Variants in PTPRG observed in about 807,000 individuals in gnomAD.
The protein encoded by PTPRG is receptor-type tyrosine-protein phosphatase gamma.
PTPRG carries 102 observed loss-of-function variants against 165.3 expected under a neutral mutation model. The observed-to-expected ratio is 0.62, with a 90% CI of 0.53 to 0.73. The LOEUF is 0.73. Among genes scored for constraint, PTPRG ranks in the 30% least tolerant of loss-of-function variants. The pLI is 0.00. For missense variants in PTPRG, 1,866 were observed against 1,861.4 expected, an observed-to-expected ratio of 1.00 and a Z score of -0.05; for synonymous variants, 675 against 669.5, an observed-to-expected ratio of 1.01 and a Z score of -0.13.
intron 2 of PTPRG, among the ~76,000 whole-genome samples, chr3:61,901,739 G>A (rs1304980104): frequency 6.6e-6 from 1 of 151,958 alleles, no homozygotes; most frequent in East Asian, 1.9e-4. Flanking sequence ...TGCTTTCCTA[G>A]GGTGACCACC....
chr3:61,818,809 A>G (rs991417388), intron 2 of PTPRG, among the ~76,000 whole-genome samples: 1 of 151,858 alleles, frequency 6.6e-6, no homozygotes, highest in Non-Finnish European at 1.5e-5. Context: ...AAGTCATTGA[A>G]ATAGGGGCCC....
Position 62,233,264 on chromosome 3 carries a change from T to C in PTPRG, c.2375+1953T>C, listed in dbSNP as rs1700947253. 6.6e-6 allele frequency among the ~76,000 whole-genome samples: 1 copy of C among 152,168 alleles called. No homozygotes were observed. Among genetic ancestry groups the C allele is most frequent in the Non-Finnish European group, 1.5e-5 (1 of 68,020 alleles). ...AACGATATGGGCCAGATACAGATCCTGTCCTCAAGGGGCGCCATGTCTGTG... is the reference window on the plus strand; with the variant it reads ...AACGATATGGGCCAGATACAGATCCCGTCCTCAAGGGGCGCCATGTCTGTG... On this transcript the variant is annotated intron_variant, in intron 14 of 29. Coordinates refer to ENST00000474889, the MANE Select transcript of PTPRG (RefSeq NM_002841.4). The surrounding 1 kb of genome is among the most constrained non-coding windows in gnomAD (Gnocchi z 4.7).
At chr3:61,579,399 C>T (rs1700233469) in intron 1 of PTPRG, among the ~76,000 whole-genome samples, 2 of 152,204 alleles carry the variant, frequency 1.3e-5, no homozygotes, top group African/African-American at 4.8e-5. Context: ...TGAAATTCTG[C>T]TGCTATTCCG....
At chr3:61,714,478 A>G (rs879234410) in intron 1 of PTPRG, among the ~76,000 whole-genome samples, 1 of 152,174 alleles carries the variant, frequency 6.6e-6, no homozygotes, top group Admixed American at 6.5e-5. Flanking sequence ...GATTGGTACT[A>G]TGTGCCGAAG....
chr3:61,738,324 A>ATATGTGTATATATATATG (rs1353314354), intron 1 of PTPRG, among the ~76,000 whole-genome samples: 1 of 93,654 alleles, frequency 1.1e-5, no homozygotes, highest in Non-Finnish European at 2.2e-5. Flanking sequence ...ATATATATAT[A>ATATGTGTATATATATATG]TATATATATA....
At chr3:61,804,181 A>G (rs2035339872) in intron 2 of PTPRG, among the ~76,000 whole-genome samples, 1 of 152,222 alleles carries the variant, frequency 6.6e-6, no homozygotes, top group Non-Finnish European at 1.5e-5. Flanking sequence ...GCAGGGGAGC[A>G]GAGTAGTGTT....
intron 1 of PTPRG, among the ~76,000 whole-genome samples, chr3:61,744,463 G>A (rs1387048797): frequency 1.3e-5 from 2 of 152,194 alleles, no homozygotes; most frequent in African/African-American, 2.4e-5. Context: ...ATGTGTTACC[G>A]TCCTGGATAC....
chr3:61,948,656 A>G (rs1438367430), intron 2 of PTPRG, among the ~76,000 whole-genome samples: 1 of 152,052 alleles, frequency 6.6e-6, no homozygotes, highest in Non-Finnish European at 1.5e-5. Context: ...AGAGAAAAGG[A>G]AGGGAGGGAT....
intron 2 of PTPRG, among the ~76,000 whole-genome samples, chr3:61,937,092 C>A (rs2039500154): frequency 6.6e-6 from 1 of 152,142 alleles, no homozygotes; most frequent in Non-Finnish European, 1.5e-5. Flanking sequence ...TGCACCGTTG[C>A]CCTGTCATTT....
intron 5 of PTPRG, among the ~76,000 whole-genome samples, chr3:62,129,822 A>G (rs1388075564): frequency 2.0e-5 from 3 of 152,170 alleles, no homozygotes; most frequent in Non-Finnish European, 2.9e-5. Flanking sequence ...AAACATTGCC[A>G]TGGTAGAGAA....
chr3:61,690,007 C>G (rs949404453), intron 1 of PTPRG, among the ~76,000 whole-genome samples: 2 of 152,136 alleles, frequency 1.3e-5, no homozygotes, highest in Non-Finnish European at 2.9e-5. Flanking sequence ...TTGGAAGGAC[C>G]ATCAGCAAGG....
intron 2 of PTPRG, among the ~76,000 whole-genome samples, chr3:61,866,007 C>T (rs1459548614): frequency 6.6e-6 from 1 of 152,150 alleles, no homozygotes; most frequent in African/African-American, 2.4e-5. Context: ...GGCTTGTTTA[C>T]AGATAGAATC....
chr3:61,806,073 G>A (rs2035406305), intron 2 of PTPRG, among the ~76,000 whole-genome samples: 1 of 152,170 alleles, frequency 6.6e-6, no homozygotes, highest in Admixed American at 6.6e-5. Flanking sequence ...CAGGCCCTTT[G>A]TAGCTGATTT....
intron 1 of PTPRG, among the ~76,000 whole-genome samples, chr3:61,728,095 C>A (rs17065235): frequency 1.3e-5 from 2 of 152,276 alleles, no homozygotes; most frequent in Middle Eastern, 6.8e-3. Flanking sequence ...TTATGCCTCT[C>A]AAATTTGCCT....
In PTPRG at chr3:62,275,950, C is replaced by A. The variant is rs1702218705; in HGVS notation, c.3543C>A (p.Asn1181Lys). Residue 1181 changes from asparagine to lysine, a missense_variant, in exon 24 of 30, where the codon AAC becomes AAA. Coordinates refer to ENST00000474889, the MANE Select transcript of PTPRG (RefSeq NM_002841.4). Reference sequence around the variant, plus strand: ...AGTGTAACAAAGAAAAGAACAGAAACTCTTCAGTTGTGCCATGTAAGACTT... The same window carrying A: ...AGTGTAACAAAGAAAAGAACAGAAAATCTTCAGTTGTGCCATGTAAGACTT... ...QKECNKEKNR[N>K]SSVVPSERAR... is the part of the protein sequence containing the mutation. 1 of 1,608,460 alleles carries A rather than the reference C, an allele frequency of 6.2e-7. No individual in the cohort carries two copies. Among genetic ancestry groups the A allele is most frequent in the Non-Finnish European group, 8.5e-7 (1 of 1,175,632 alleles).
chr3:61,717,838 T>C (rs372424102), intron 1 of PTPRG, among the ~76,000 whole-genome samples: 2 of 151,754 alleles, frequency 1.3e-5, no homozygotes, highest in South Asian at 2.1e-4. Context: ...TTATTGTAGG[T>C]ATTAGAACAT....
At chr3:61,953,897 G>A (rs1456217267) in intron 2 of PTPRG, among the ~76,000 whole-genome samples, 1 of 152,110 alleles carries the variant, frequency 6.6e-6, no homozygotes, top group Non-Finnish European at 1.5e-5. Context: ...CTCTTCAGAT[G>A]CTTTGACCTG....
intron 19 of PTPRG, among the ~76,000 whole-genome samples, chr3:62,268,600 A>G (rs1442359556): frequency 1.3e-5 from 2 of 152,140 alleles, no homozygotes; most frequent in African/African-American, 2.4e-5. Flanking sequence ...TTTACTTTTG[A>G]TGATCCAAGT....
At chr3:62,270,051 G>A (rs1254435831) in intron 20 of PTPRG, among the ~76,000 whole-genome samples, 2 of 152,028 alleles carry the variant, frequency 1.3e-5, no homozygotes, top group Non-Finnish European at 1.5e-5. Context: ...AATATTTTTG[G>A]ACTGTGGTTG....
Sources: gnomAD v4.1 joint callset for allele counts (sites outside exome capture counted in the v4.1 genomes callset) on GRCh38, gnomAD v4.1.1 for gene constraint, Gnocchi (gnomAD v3.1) non-coding constraint, MANE v1.5 for transcripts, NCBI Gene and HGNC (gene_info 2026-07-23, HGNC 2026-07-21) for gene names.